NADK2: variants seen among roughly 807,000 people sequenced by gnomAD.
NADK2 encodes the protein NAD kinase domain-containing protein 1, mitochondrial.
NADK2 carries 35 observed loss-of-function variants against 62.1 expected under a neutral mutation model. The ratio of observed to expected loss-of-function variants is 0.56; its 90% CI spans 0.43 to 0.75. NADK2 has a LOEUF of 0.75. NADK2 is among the 30% of genes least tolerant of loss of function. The pLI is 0.00. For synonymous variants in NADK2, 205 were observed against 207.9 expected (o/e 0.99, Z 0.12); for missense variants, 439 against 561.3 (o/e 0.78, Z 2.20).
rs1160555141 is a variant in NADK2, at chr5:36,194,353, G to C, written c.*791C>G. On this transcript the variant is annotated 3_prime_UTR_variant, in exon 12 of 12. Transcript: ENST00000381937. ...AATGTCTAATCAGTTCATCCTTTTA[G>C]TCCCTGAATCCATGTTTGAGCATTT... is the stretch of plus-strand genomic sequence containing the variant. 1 of 152,026 alleles carries C rather than the reference G, an allele frequency of 6.6e-6. No homozygotes were observed. Among genetic ancestry groups the C allele is most frequent in the Non-Finnish European group, 1.5e-5 (1 of 67,996 alleles). The allele number at this position is 152,026 out of a possible 1,614,324, so 9.4% of individuals were successfully genotyped here. A position where few individuals can be genotyped will look rare whatever the true frequency, so the allele number is the denominator to read the frequency against.
In NADK2 at chr5:36,196,401, T is replaced by G. The variant is rs570473895; in HGVS notation, c.1191-1119A>C. On this transcript the variant is annotated intron_variant, in intron 11 of 11. Transcript: ENST00000381937. ...TGAATAATAAGGTCAATCATGTTTT[T>G]TGTGTTTATTAGCCATGTGAATATC... is the stretch of plus-strand genomic sequence containing the variant. Among the ~76,000 whole-genome samples, 4 of 152,286 alleles carry G rather than the reference T, an allele frequency of 2.6e-5. No homozygotes were observed. The East Asian group carries it at 7.7e-4, about 29-fold the overall frequency.
rs775964053 is a variant in NADK2, at chr5:36,211,882, T to A, written c.822A>T (p.Ala274=). The A allele has an allele frequency of 1.5e-5, 24 of 1,613,650 alleles. No homozygotes were observed. The highest frequency in any genetic ancestry group is 3.3e-4 in the Middle Eastern group (2 of 6,054). ...ASGPQLLPVR[A]LNEVFIGESL... is the part of the protein sequence containing the mutation. ...TCTCCCCAATGAAGACTTCATTTAG[T>A]GCTCTCACTGGCAGAAGTTGGGGTC... Residue 274 remains alanine (A), a synonymous_variant, in exon 7 of 12, where the codon GCA becomes GCT. Coordinates refer to ENST00000381937, the MANE Select transcript of NADK2 (RefSeq NM_001085411.3).
chr5:36,209,775 T>A lies in NADK2; in HGVS notation c.860+2069A>T, dbSNP rs149199149. On this transcript the variant is annotated intron_variant, in intron 7 of 11. Coordinates refer to ENST00000381937, the MANE Select transcript of NADK2 (RefSeq NM_001085411.3). ...AACTCTTTTTTAAATTATGTATTAC[T>A]CTCCAAAAAATTAAGATACCACTAT... Among the ~76,000 whole-genome samples, 163 of 152,282 alleles carry A rather than the reference T, an allele frequency of 1.1e-3. 4 individuals are homozygous for A. The highest frequency in any genetic ancestry group is 3.6e-3 in the African/African-American group (150 of 41,584).
chr5:36,241,831 C>G lies in NADK2; in HGVS notation c.-33G>C, dbSNP rs1367740039. The G allele has an allele frequency of 7.9e-7, 1 of 1,267,696 alleles. No individual in the cohort carries two copies. The highest frequency in any genetic ancestry group is 4.3e-5 in the Admixed American group (1 of 23,160). 78.5% of individuals were successfully genotyped at this position (1,267,696 alleles called of 1,614,324 possible). A position where few individuals can be genotyped will look rare whatever the true frequency, so the allele number is the denominator to read the frequency against. On this transcript the variant is annotated 5_prime_UTR_variant, in exon 1 of 12. Transcript: ENST00000381937. The surrounding 1 kb of genome is among the most constrained non-coding windows in gnomAD (Gnocchi z 4.9). ...CGGGCCGCGGCCGCGGGCTTGGGCT[C>G]GGGCCCCTTGCCTCAGCTCCCTACC... is the stretch of plus-strand genomic sequence containing the variant.
intron 6 of NADK2, among the ~76,000 whole-genome samples, chr5:36,215,041 T>C (rs1364346367): frequency 6.6e-6 from 1 of 152,146 alleles, no homozygotes; most frequent in Non-Finnish European, 1.5e-5. Context: ...ACTATGCCAT[T>C]TTATATGAGG....
At chr5:36,225,773 T>A in intron 3 of NADK2, 150 bp from the exon 4 acceptor site, 1 of 604,282 alleles carries the variant, frequency 1.7e-6, no homozygotes. Flanking sequence ...CTATTATACC[T>A]TTGGATTCTC....
At chr5:36,228,619 A>G (rs1380525477) in intron 1 of NADK2, among the ~76,000 whole-genome samples, 2 of 61,400 alleles carry the variant, frequency 3.3e-5, no homozygotes, top group Non-Finnish European at 1.0e-4. Flanking sequence ...CTGTCTAGAC[A>G]TGATTTTTTT....
intron 8 of NADK2, among the ~76,000 whole-genome samples, 191 bp from the exon 9 acceptor site, chr5:36,201,352 G>A (rs566967597): frequency 1.3e-5 from 2 of 152,060 alleles, no homozygotes; most frequent in Middle Eastern, 3.4e-3. Flanking sequence ...ACATTGATGG[G>A]AACAGAGATA....
intron 1 of NADK2, among the ~76,000 whole-genome samples, chr5:36,232,476 C>T (rs1414754318): frequency 6.6e-6 from 1 of 152,150 alleles, no homozygotes; most frequent in Non-Finnish European, 1.5e-5. Context: ...CTAAATGGTA[C>T]TCTAAGTGTT....
At chr5:36,233,231 C>G (rs1192015902) in intron 1 of NADK2, among the ~76,000 whole-genome samples, 1 of 152,150 alleles carries the variant, frequency 6.6e-6, no homozygotes, top group Non-Finnish European at 1.5e-5. Context: ...GTTCCTTATT[C>G]AAAAGTCTTT....
At chr5:36,209,465 G>A (rs1561061046) in intron 7 of NADK2, among the ~76,000 whole-genome samples, 4 of 152,206 alleles carry the variant, frequency 2.6e-5, no homozygotes, top group East Asian at 3.9e-4. Flanking sequence ...TGGCTTCCCT[G>A]AAGTAAGCAT....
At chr5:36,228,719 A>C (rs1335626012) in intron 1 of NADK2, among the ~76,000 whole-genome samples, 1 of 151,624 alleles carries the variant, frequency 6.6e-6, no homozygotes, top group Non-Finnish European at 1.5e-5. Context: ...CCCGGACTCA[A>C]GCCGCCCTCC....
intron 1 of NADK2, among the ~76,000 whole-genome samples, chr5:36,233,285 T>G (rs1365525737): frequency 6.6e-6 from 1 of 152,182 alleles, no homozygotes; most frequent in Non-Finnish European, 1.5e-5. Context: ...CACCACATTT[T>G]GGGCGTCGTA....
rs775092555 is a variant in NADK2 at position 36,195,263 on chromosome 5, A to C, written c.1210T>G (p.Cys404Gly). The change falls in exon 12 of 12, where the codon TGT (cysteine) becomes GGT (glycine). Residue 404 changes from cysteine (C) to glycine (G), a missense_variant. Coordinates refer to ENST00000381937, the MANE Select transcript of NADK2 (RefSeq NM_001085411.3). The stretch of plus-strand genomic sequence containing the variant: ...TCCACAACCATACAGGCATCCCAAC[A>C]ACGAGAACGAACACAAACCCTAGGC... ...FSSKVCVRSR[C>G]WDACMVVDGG... 1.2e-6 allele frequency: 2 copies of C among 1,610,900 alleles called. No homozygotes were observed. The highest frequency in any genetic ancestry group is 3.4e-5 in the Admixed American group (2 of 59,394).
intron 11 of NADK2, 123 bp downstream of exon 11, chr5:36,197,418 C>A: frequency 2.3e-6 from 3 of 1,285,752 alleles, no homozygotes; most frequent in South Asian, 2.6e-5. Flanking sequence ...ACAGGTTCTA[C>A]TTTTCCTGCT....
At position 36,197,562 on chromosome 5, in the gene NADK2, C is replaced by A. The variant is rs761798721; in HGVS notation, c.1169G>T (p.Arg390Leu). 1 of 1,612,134 alleles carries A rather than the reference C, an allele frequency of 6.2e-7. No homozygotes were observed. The highest frequency in any genetic ancestry group is 8.5e-7 in the Non-Finnish European group (1 of 1,178,830). Residue 390 changes from arginine (R) to leucine (L), a missense_variant, in exon 11 of 12, where the codon CGT becomes CTT. Arg to Leu is a moderately radical substitution (Grantham distance 102). Transcript: ENST00000381937. ...TTACTTTGAGGAGAAACAACGCTGA[C>A]GACTGCTTGAGAAAACTCTATTTGC... The part of the protein sequence containing the change: ...PIANRVFSSS[R>L]QRCFSSKVCV...
chr5:36,241,836 C>T lies in NADK2; in HGVS notation c.-38G>A. The T allele has an allele frequency of 7.9e-7, 1 of 1,260,274 alleles. No individual in the cohort carries two copies. Among genetic ancestry groups the T allele is most frequent in the Non-Finnish European group, 1.0e-6 (1 of 1,003,690 alleles). The allele number at this position is 1,260,274 out of a possible 1,614,324, so 78.1% of individuals were successfully genotyped here. On this transcript the variant is annotated 5_prime_UTR_variant, in exon 1 of 12. Transcript: ENST00000381937. This position sits in a 1 kb window ranked among gnomAD's most constrained non-coding sequence, Gnocchi z 4.9. ...CGCGGCCGCGGGCTTGGGCTCGGGC[C>T]CCTTGCCTCAGCTCCCTACCGCCGG... is the stretch of plus-strand genomic sequence containing the variant.
At chr5:36,210,505 C>T (rs886173510) in intron 7 of NADK2, among the ~76,000 whole-genome samples, 1 of 152,002 alleles carries the variant, frequency 6.6e-6, no homozygotes, top group African/African-American at 2.4e-5. Context: ...ACAACATCAC[C>T]TATGGAGCAT....
In NADK2 at chr5:36,201,070, A is replaced by G. The variant is rs372355751; in HGVS notation, c.1012+36T>C. 1.0e-5 allele frequency: 16 copies of G among 1,577,430 alleles called. No individual in the cohort carries two copies. The African/African-American group carries it at 2.0e-4, about 20-fold the overall frequency. On this transcript the variant is annotated intron_variant, in intron 9 of 11. Coordinates refer to ENST00000381937, the MANE Select transcript of NADK2 (RefSeq NM_001085411.3). ...TTCTGGAACTTGTCCCCTGCGGATA[A>G]GAGGGGACTACTCCAATAGCTGTTT...
Sources: allele counts gnomAD v4.1 joint callset (sites outside exome capture counted in the v4.1 genomes callset), GRCh38; gene constraint gnomAD v4.1.1; non-coding constraint Gnocchi (gnomAD v3.1); transcripts MANE v1.5; gene names NCBI Gene and HGNC (gene_info 2026-07-23, HGNC 2026-07-21).